Variants in MEIOSIN observed in about 807,000 individuals in gnomAD.
MEIOSIN encodes the protein meiosis initiator protein.
In MEIOSIN, 18 loss-of-function variants were observed where a neutral mutation model predicts 23.4. That is an observed-to-expected ratio of 0.77 (90% CI 0.53 to 1.14). The LOEUF is 1.14. MEIOSIN is among the 50% of genes most tolerant of loss of function. The pLI, the probability that MEIOSIN is intolerant of heterozygous loss-of-function variation, is 0.00. For missense variants in MEIOSIN, 428 were observed against 242.9 expected, an observed-to-expected ratio of 1.76 and a Z score of -5.07; for synonymous variants, 187 against 100.6, an observed-to-expected ratio of 1.86 and a Z score of -5.14.
chr19:45,758,321 A>G (rs1052095514), intron 9 of MEIOSIN, among the ~76,000 whole-genome samples: 3 of 152,078 alleles, frequency 2.0e-5, no homozygotes, highest in African/African-American at 7.2e-5. Context: ...GCAGAGCTGC[A>G]GGTAGTTATA....
intron 4 of MEIOSIN, among the ~76,000 whole-genome samples, chr19:45,745,982 T>C (rs574160987): frequency 5.3e-5 from 8 of 152,250 alleles, no homozygotes; most frequent in South Asian, 4.1e-4. Flanking sequence ...TTTTGTTTTG[T>C]TTTTGAGACA....
At chr19:45,742,834 C>G (rs1600377810) in intron 3 of MEIOSIN, among the ~76,000 whole-genome samples, 1 of 151,968 alleles carries the variant, frequency 6.6e-6, no homozygotes, top group African/African-American at 2.4e-5. Flanking sequence ...ACAACAACAA[C>G]CAGGGCAACA....
chr19:45,748,061 G>T (rs1473257406), intron 4 of MEIOSIN, among the ~76,000 whole-genome samples: 2 of 151,950 alleles, frequency 1.3e-5, no homozygotes. Flanking sequence ...TCCAGCCTGA[G>T]CAACAGAGTA....
At chr19:45,742,705 C>A (rs1468703371) in intron 3 of MEIOSIN, among the ~76,000 whole-genome samples, 1 of 151,796 alleles carries the variant, frequency 6.6e-6, no homozygotes, top group Non-Finnish European at 1.5e-5. Context: ...GAGGGTGAGG[C>A]TGAGGAGGCG....
chr19:45,755,746 C>T (rs552529307), intron 7 of MEIOSIN, among the ~76,000 whole-genome samples: 1 of 152,220 alleles, frequency 6.6e-6, no homozygotes, highest in Non-Finnish European at 1.5e-5. Flanking sequence ...GTGCCCAGCC[C>T]CCATTACAGC....
intron 8 of MEIOSIN, among the ~76,000 whole-genome samples, 190 bp from the exon 9 acceptor site, chr19:45,756,987 G>A (rs7260651): frequency 0.47 from 71,743 of 151,856 alleles, 17,343 homozygotes; most frequent in East Asian, 0.65. Flanking sequence ...CAGCGCCCTC[G>A]GTCACAGCAC....
At chr19:45,760,124 C>G (rs1208578141) in intron 11 of MEIOSIN, among the ~76,000 whole-genome samples, 1 of 151,390 alleles carries the variant, frequency 6.6e-6, no homozygotes, top group Admixed American at 6.6e-5. Context: ...TACAACTACT[C>G]TACGAAGCAG....
In MEIOSIN at chr19:45,739,710, G is replaced by A. The variant is rs183304235; in HGVS notation, c.156G>A (p.Trp52Ter). 1 of 703,620 alleles carries A rather than the reference G, an allele frequency of 1.4e-6. No individual in the cohort carries two copies. The highest frequency in any genetic ancestry group is 2.0e-5 in the Admixed American group (1 of 49,992). 43.6% of individuals were successfully genotyped at this position (703,620 alleles called of 1,614,324 possible). Residue 52 changes from tryptophan to a stop codon, truncating the protein, a stop_gained, in exon 3 of 15, where the codon TGG (tryptophan) becomes TGA (stop). Coordinates refer to ENST00000457052, the MANE Select transcript of MEIOSIN (RefSeq NM_001310124.2). LOFTEE classifies it high-confidence loss of function. ...EPHGLRMEEK[W>*]LLKGKLRNQR... ...ATGGACTGAGAATGGAGGAGAAATG[G>A]TTGCTCAAAGGAAAACTGAGGTACT...
Position 45,764,155 on chromosome 19 carries a change from T to G in MEIOSIN, c.*37T>G, listed in dbSNP as rs1028906171. 2 of 398,566 alleles carry G rather than the reference T, an allele frequency of 5.0e-6. No homozygotes were observed. Among genetic ancestry groups the G allele is most frequent in the Non-Finnish European group, 8.8e-6 (2 of 226,006 alleles). 24.7% of individuals were successfully genotyped at this position (398,566 alleles called of 1,614,324 possible). ...CTCGCCTCGCTCCCCTCACCCCTCA[T>G]GGCAACCGCGGCTCTTGCTGGAAGC... On this transcript the variant is annotated 3_prime_UTR_variant, in exon 15 of 15. Coordinates refer to ENST00000457052, the MANE Select transcript of MEIOSIN (RefSeq NM_001310124.2).
At chr19:45,742,315 C>CA (rs1279290691) in intron 3 of MEIOSIN, among the ~76,000 whole-genome samples, 1 of 151,954 alleles carries the variant, frequency 6.6e-6, no homozygotes, top group Non-Finnish European at 1.5e-5. Flanking sequence ...CTTGTCTCTA[C>CA]AAAAAAATTT....
At chr19:45,750,205 CAG>C (rs917769111) in intron 4 of MEIOSIN, among the ~76,000 whole-genome samples, 239 of 147,076 alleles carry the variant, frequency 1.6e-3, no homozygotes, top group African/African-American at 5.7e-3. Context: ...ACCAGTGAGA[CAG>C]GGGCTACAGC....
chr19:45,757,292 G>T lies in MEIOSIN; in HGVS notation c.1012+15G>T. 1 of 700,788 alleles carries T rather than the reference G, an allele frequency of 1.4e-6. No homozygotes were observed. The highest frequency in any genetic ancestry group is 1.5e-5 in the South Asian group (1 of 67,254). 43.4% of individuals were successfully genotyped at this position (700,788 alleles called of 1,614,324 possible). A position where few individuals can be genotyped will look rare whatever the true frequency, so the allele number is the denominator to read the frequency against. ...CAGCCCCCAAGGTGACTGCAACTCT[G>T]TCTCTCCTCCTTGTAGGCTGGTGTG... is the stretch of plus-strand genomic sequence containing the variant. On this transcript the variant is annotated intron_variant, in intron 9 of 14. Coordinates refer to ENST00000457052, the MANE Select transcript of MEIOSIN (RefSeq NM_001310124.2).
intron 2 of MEIOSIN, among the ~76,000 whole-genome samples, chr19:45,736,434 T>C (rs947613216): frequency 6.6e-6 from 1 of 151,678 alleles, no homozygotes; most frequent in African/African-American, 2.4e-5. Context: ...GCGATCTTGG[T>C]TCACTGCAAC....
At chr19:45,734,344 T>C (rs906421089) in intron 1 of MEIOSIN, among the ~76,000 whole-genome samples, 6 of 152,118 alleles carry the variant, frequency 3.9e-5, no homozygotes, top group South Asian at 4.2e-4. Context: ...ATTTGTTTCA[T>C]AGGGGCCTGG....
rs1568551849 is a variant in MEIOSIN at position 45,733,779 on chromosome 19, CAG to C, written c.-1+114_-1+115del. On this transcript the variant is annotated intron_variant, in intron 1 of 14. Transcript: ENST00000457052. The surrounding 1 kb of genome is among the most constrained non-coding windows in gnomAD (Gnocchi z 5.7). The stretch of plus-strand genomic sequence containing the variant: ...CAGGAGCTTCCCTCGGTGGGGGGCT[CAG>C]GGGAATAGAACATGCTCTGGGTGCA... 6.6e-6 allele frequency: 1 copy of C among 152,286 alleles called. No individual in the cohort carries two copies. The highest frequency in any genetic ancestry group is 1.5e-5 in the Non-Finnish European group (1 of 68,128). 9.4% of individuals were successfully genotyped at this position (152,286 alleles called of 1,614,324 possible).
intron 9 of MEIOSIN, 77 bp downstream of exon 9, chr19:45,757,354 A>G (rs889048132): frequency 1.2e-5 from 8 of 664,412 alleles, no homozygotes; most frequent in Admixed American, 2.1e-5. Context: ...ATGTCTATGG[A>G]AGAGAGGAGG....
At chr19:45,754,207 C>A (rs1968770895) in intron 6 of MEIOSIN, among the ~76,000 whole-genome samples, 1 of 152,156 alleles carries the variant, frequency 6.6e-6, no homozygotes, top group Admixed American at 6.6e-5. Context: ...GAACTCCTGA[C>A]CTCAAGTAAT....
Position 45,753,740 on chromosome 19 carries a change from C to T in MEIOSIN, c.508C>T (p.Gln170Ter). ...CCCAAGCTCTCAGAAGTCCTGTCTC[C>T]AGGGGGCGTGCCAGAAGCCTCGGAA... ...SSPSSQKSCL[Q>*]GACQKPRKKK... Residue 170 changes from glutamine to a stop codon, truncating the protein, a stop_gained, in exon 6 of 15, where the codon CAG (glutamine) becomes TAG (stop). Transcript: ENST00000457052. LOFTEE classifies it high-confidence loss of function. 2 of 702,942 alleles carry T rather than the reference C, an allele frequency of 2.8e-6. No homozygotes were observed. The highest frequency in any genetic ancestry group is 5.2e-6 in the Non-Finnish European group (2 of 384,946). 43.5% of individuals were successfully genotyped at this position (702,942 alleles called of 1,614,324 possible). A position where few individuals can be genotyped will look rare whatever the true frequency, so the allele number is the denominator to read the frequency against.
chr19:45,736,818 A>G (rs138908964), intron 2 of MEIOSIN, among the ~76,000 whole-genome samples: 5,768 of 146,644 alleles, frequency 0.039, 373 homozygotes, highest in African/African-American at 0.14. Context: ...TGATCCGCCC[A>G]CCTCAGCCTC....
Sources: gnomAD v4.1 joint callset for allele counts (sites outside exome capture counted in the v4.1 genomes callset) on GRCh38, gnomAD v4.1.1 for gene constraint, Gnocchi (gnomAD v3.1) non-coding constraint, MANE v1.5 for transcripts, NCBI Gene and HGNC (gene_info 2026-07-23, HGNC 2026-07-21) for gene names.